The following NRXN1 variants were observed in gnomAD, a reference collection of about 807,000 sequenced individuals.
The protein encoded by NRXN1 is neurexin-1.
A neutral mutation model predicts 150.9 loss-of-function variants in NRXN1; 39 were observed. The observed-to-expected ratio is 0.26, with a 90% CI of 0.20 to 0.34. The LOEUF (loss-of-function observed/expected upper bound fraction) is 0.34. Among genes scored for constraint, NRXN1 ranks in the 10% least tolerant of loss-of-function variants. The pLI is 1.00. For missense variants in NRXN1, 1,815 were observed against 1,949.9 expected, an observed-to-expected ratio of 0.93 and a Z score of 1.30; for synonymous variants, 924 against 757.0, an observed-to-expected ratio of 1.22 and a Z score of -3.62.
chr2:50,584,561 C>T (rs1672792301), intron 8 of NRXN1, among the ~76,000 whole-genome samples: 1 of 152,094 alleles, frequency 6.6e-6, no homozygotes, highest in Non-Finnish European at 1.5e-5. Flanking sequence ...CAGCTATTGG[C>T]AAAGAAGATA....
chr2:50,771,582 G>C (rs1703013689), intron 5 of NRXN1, among the ~76,000 whole-genome samples: 1 of 152,046 alleles, frequency 6.6e-6, no homozygotes. Context: ...CAAAAACACA[G>C]AGGTGAGAAT....
At chr2:50,768,499 G>C (rs914283348) in intron 5 of NRXN1, among the ~76,000 whole-genome samples, 4 of 151,204 alleles carry the variant, frequency 2.6e-5, no homozygotes, top group African/African-American at 4.9e-5. Context: ...TAGAGATGAG[G>C]TCTCACTATG....
At chr2:51,000,348 A>G (rs557153038) in intron 2 of NRXN1, among the ~76,000 whole-genome samples, 2 of 151,818 alleles carry the variant, frequency 1.3e-5, no homozygotes, top group South Asian at 4.2e-4. Flanking sequence ...TATACATAAC[A>G]CTCCTATTGA....
chr2:50,960,210 A>C lies in NRXN1; in HGVS notation c.773-34255T>G, dbSNP rs149265295. ...AAAGGTTAGCGAGAAAGAGAACAAC[A>C]GATCTGCCTCCATAAGGCATTAATT... On this transcript the variant is annotated intron_variant, in intron 2 of 22. Transcript: ENST00000401669. 5.2e-3 allele frequency among the ~76,000 whole-genome samples: 796 copies of C among 152,122 alleles called. 7 individuals carry two copies. Among genetic ancestry groups the C allele is most frequent in the African/African-American group, 0.018 (759 of 41,560 alleles).
intron 5 of NRXN1, among the ~76,000 whole-genome samples, chr2:50,902,670 T>C (rs1045203998): frequency 1.3e-5 from 2 of 152,166 alleles, no homozygotes; most frequent in Non-Finnish European, 2.9e-5. Context: ...ATGGTGTAGT[T>C]TGACCTTAGT....
At chr2:50,078,501 C>G (rs1697421184) in intron 19 of NRXN1, among the ~76,000 whole-genome samples, 1 of 152,028 alleles carries the variant, frequency 6.6e-6, no homozygotes, top group Non-Finnish European at 1.5e-5. Context: ...AAACTGTTGA[C>G]TAAAGTATAC....
chr2:50,716,754 G>A (rs1695919217), intron 5 of NRXN1, among the ~76,000 whole-genome samples: 1 of 152,114 alleles, frequency 6.6e-6, no homozygotes, highest in South Asian at 2.1e-4. Flanking sequence ...CAGACACCAT[G>A]CTAGGCATCT....
At chr2:50,852,114 C>T (rs1674604556) in intron 5 of NRXN1, among the ~76,000 whole-genome samples, 1 of 152,106 alleles carries the variant, frequency 6.6e-6, no homozygotes, top group African/African-American at 2.4e-5. Flanking sequence ...GTTCTTGATA[C>T]CCTTGGGATA....
At chr2:50,929,263 T>C (rs1687376193) in intron 2 of NRXN1, among the ~76,000 whole-genome samples, 1 of 152,076 alleles carries the variant, frequency 6.6e-6, no homozygotes, top group African/African-American at 2.4e-5. Context: ...AATGTGCTTG[T>C]TTCAATATAA....
At chr2:50,373,653 A>AAGAAAGAAG (rs1365041588) in intron 17 of NRXN1, among the ~76,000 whole-genome samples, 15 of 100,896 alleles carry the variant, frequency 1.5e-4, no homozygotes, top group East Asian at 5.3e-4. Context: ...AAAGAAAGAA[A>AAGAAAGAAG]GAAAGAAAGA....
chr2:50,038,955 GA>G (rs1416875494), intron 21 of NRXN1, among the ~76,000 whole-genome samples: 1 of 152,078 alleles, frequency 6.6e-6, no homozygotes, highest in African/African-American at 2.4e-5. Flanking sequence ...AGAGGTGGGT[GA>G]ATCACAAGGT....
chr2:50,414,197 G>C (rs1192428287), intron 17 of NRXN1, among the ~76,000 whole-genome samples: 1 of 152,130 alleles, frequency 6.6e-6, no homozygotes, highest in Non-Finnish European at 1.5e-5. Flanking sequence ...ACTTAAAAGA[G>C]TGTAACTGGA....
chr2:50,925,866 A>T, intron 3 of NRXN1, 72 bp downstream of exon 3: 1 of 1,177,166 alleles, frequency 8.5e-7, no homozygotes, highest in Non-Finnish European at 1.2e-6. Context: ...ATCTAACTTC[A>T]AGATGTACCC....
intron 18 of NRXN1, among the ~76,000 whole-genome samples, chr2:50,167,334 T>G (rs561329224): frequency 6.6e-6 from 1 of 152,266 alleles, no homozygotes; most frequent in Non-Finnish European, 1.5e-5. Flanking sequence ...TAATTATCCT[T>G]CGTTGGAGGA....
At position 50,111,456 on chromosome 2, in the gene NRXN1, C is replaced by T. The variant is rs918795009; in HGVS notation, c.3547-19962G>A. ...CAGGAGTGAGACCGCCTGGCCAACA[C>T]GGTGAAACCCCTTCTCTACTAAAAA... is the stretch of plus-strand genomic sequence containing the variant. On this transcript the variant is annotated intron_variant, in intron 18 of 22. Coordinates refer to ENST00000401669, the MANE Select transcript of NRXN1 (RefSeq NM_001330078.2). 1.8e-4 allele frequency among the ~76,000 whole-genome samples: 27 copies of T among 152,028 alleles called. 1 individual carries two copies. The highest frequency in any genetic ancestry group is 4.6e-4 in the African/African-American group (19 of 41,472).
At chr2:50,149,279 T>C (rs2058556601) in intron 18 of NRXN1, among the ~76,000 whole-genome samples, 1 of 151,652 alleles carries the variant, frequency 6.6e-6, no homozygotes, top group African/African-American at 2.4e-5. Flanking sequence ...ATTTCAGAAA[T>C]GGCTAAGCAA....
At chr2:50,532,709 A>G (rs561193620) in intron 10 of NRXN1, among the ~76,000 whole-genome samples, 2 of 152,276 alleles carry the variant, frequency 1.3e-5, no homozygotes, top group South Asian at 4.1e-4. Context: ...ACTAAGGCAG[A>G]TGGCATCAGT....
chr2:50,991,241 A>G (rs577775594), intron 2 of NRXN1, among the ~76,000 whole-genome samples: 1 of 152,156 alleles, frequency 6.6e-6, no homozygotes, highest in South Asian at 2.1e-4. Flanking sequence ...TATTATAATA[A>G]GACAAACCAA....
At chr2:49,948,835 A>G (rs1320695161) in intron 21 of NRXN1, among the ~76,000 whole-genome samples, 1 of 151,860 alleles carries the variant, frequency 6.6e-6, no homozygotes. Flanking sequence ...CCTGCTGAAA[A>G]AGACAGAAGC....
Sources: allele counts gnomAD v4.1 joint callset (sites outside exome capture counted in the v4.1 genomes callset), GRCh38; gene constraint gnomAD v4.1.1; transcripts MANE v1.5; gene names NCBI Gene and HGNC (gene_info 2026-07-23, HGNC 2026-07-21).